The following RBM27 variants were observed in gnomAD, a reference collection of about 807,000 sequenced individuals.
RBM27 encodes the protein RNA binding motif protein 27.
A neutral mutation model predicts 135.3 loss-of-function variants in RBM27; 22 were observed. The observed-to-expected ratio is 0.16, with a 90% CI of 0.12 to 0.23. The LOEUF (loss-of-function observed/expected upper bound fraction) is 0.23. Ranked by LOEUF, RBM27 falls within the 10% of genes least tolerant of loss-of-function variation. The pLI, the probability that RBM27 is intolerant of heterozygous loss-of-function variation, is 1.00. For missense variants in RBM27, 1,009 were observed against 1,281.0 expected, an observed-to-expected ratio of 0.79 and a Z score of 3.24; for synonymous variants, 481 against 442.4, an observed-to-expected ratio of 1.09 and a Z score of -1.10.
intron 5 of RBM27, 51 bp from the exon 6 acceptor site, chr5:146,230,606 A>G (rs1405749755): frequency 1.9e-6 from 3 of 1,562,374 alleles, no homozygotes; most frequent in Admixed American, 1.8e-5. Flanking sequence ...GTTTAAGAAC[A>G]TGAAATATCT....
At chr5:146,281,005 C>T (rs567123698) in intron 19 of RBM27, among the ~76,000 whole-genome samples, 138 of 152,004 alleles carry the variant, frequency 9.1e-4, no homozygotes, top group African/African-American at 3.1e-3. Context: ...TTACAGGCGC[C>T]CACCACCACA....
chr5:146,209,309 A>T (rs966198890), intron 1 of RBM27, among the ~76,000 whole-genome samples: 7 of 152,212 alleles, frequency 4.6e-5, no homozygotes, highest in Non-Finnish European at 1.0e-4. Flanking sequence ...TACAAGACAG[A>T]CTAGAGTCTC....
intron 1 of RBM27, among the ~76,000 whole-genome samples, chr5:146,215,413 C>T (rs985100879): frequency 9.8e-5 from 15 of 152,322 alleles, no homozygotes; most frequent in African/African-American, 3.6e-4. Context: ...CCATTCCTAA[C>T]ATATAGAAAC....
At chr5:146,225,904 C>T (rs1366046581) in intron 3 of RBM27, among the ~76,000 whole-genome samples, 1 of 151,762 alleles carries the variant, frequency 6.6e-6, no homozygotes, top group Non-Finnish European at 1.5e-5. Context: ...ATTCTGTCAC[C>T]CAGGGTGGAG....
At position 146,220,343 on chromosome 5, in the gene RBM27, C is replaced by T. The variant is rs186989166; in HGVS notation, c.178+1240C>T. 1.0e-3 allele frequency among the ~76,000 whole-genome samples: 152 copies of T among 151,848 alleles called. 1 individual carries two copies. Among genetic ancestry groups the T allele is most frequent in the East Asian group, 1.7e-3 (9 of 5,168 alleles). On this transcript the variant is annotated intron_variant, in intron 2 of 20. Transcript: ENST00000265271. ...ATACAAAATTAGCTGGGCGTGGTGGCGTGTGCCTGTAGTCCCAGCTACTCG... is the reference window on the plus strand; with the variant it reads ...ATACAAAATTAGCTGGGCGTGGTGGTGTGTGCCTGTAGTCCCAGCTACTCG...
rs373198253 is a variant in RBM27 at position 146,213,951 on chromosome 5, A to T, written c.60-5034A>T. On this transcript the variant is annotated intron_variant, in intron 1 of 20. Coordinates refer to ENST00000265271, the MANE Select transcript of RBM27 (RefSeq NM_018989.2). ...GTGAATTTTAAGGAGTCCTATTTGT[A>T]AGTTACATTAAGCTTTAGGAAATTT... is the stretch of plus-strand genomic sequence containing the variant. 1.2e-3 allele frequency among the ~76,000 whole-genome samples: 179 copies of T among 152,348 alleles called. 1 individual carries two copies. The highest frequency in any genetic ancestry group is 0.01 in the Middle Eastern group (3 of 294).
chr5:146,238,533 T>C (rs1757265749), intron 8 of RBM27, among the ~76,000 whole-genome samples: 1 of 152,168 alleles, frequency 6.6e-6, no homozygotes, highest in Non-Finnish European at 1.5e-5. Context: ...AAATGATTTT[T>C]CTGGAATCCT....
intron 17 of RBM27, among the ~76,000 whole-genome samples, chr5:146,270,581 G>A (rs1326525441): frequency 1.3e-5 from 2 of 152,124 alleles, no homozygotes; most frequent in Admixed American, 6.6e-5. Flanking sequence ...TTCCAATCTG[G>A]TAGTAATTAT....
At chr5:146,243,309 A>G (rs924735441) in intron 8 of RBM27, among the ~76,000 whole-genome samples, 1 of 152,204 alleles carries the variant, frequency 6.6e-6, no homozygotes, top group Non-Finnish European at 1.5e-5. Context: ...AGTTTTAAAA[A>G]TATTTTTGTC....
intron 16 of RBM27, 28 bp downstream of exon 16, chr5:146,269,309 C>G (rs191650911): frequency 6.5e-7 from 1 of 1,548,254 alleles, no homozygotes; most frequent in Non-Finnish European, 8.8e-7. Context: ...TATTTGCATG[C>G]TAGAATTGAT....
At chr5:146,257,818 T>G (rs1325246160) in intron 10 of RBM27, among the ~76,000 whole-genome samples, 1 of 152,068 alleles carries the variant, frequency 6.6e-6, no homozygotes, top group African/African-American at 2.4e-5. Context: ...TTGTTTTTTT[T>G]TTTTGGTTTC....
At position 146,229,722 on chromosome 5, in the gene RBM27, G is replaced by C; in HGVS notation, c.401G>C (p.Arg134Pro). ...TTTATATCTGTATATTATAGGACAC[G>C]TGAGAAAAAAAGAGAAGACGGGAAA... ...TRSESSERRT[R>P]EKKREDGKWR... The change falls in exon 5 of 21, where the codon CGT becomes CCT. Residue 134 changes from arginine to proline, a missense_variant. Physicochemically the swap from Arg to Pro is moderately radical, Grantham distance 103. Transcript: ENST00000265271. The C allele has an allele frequency of 2.5e-6, 4 of 1,602,416 alleles. No homozygotes were observed. The highest frequency in any genetic ancestry group is 3.4e-6 in the Non-Finnish European group (4 of 1,170,768).
At chr5:146,249,518 C>G (rs910964003) in intron 8 of RBM27, among the ~76,000 whole-genome samples, 16 of 150,926 alleles carry the variant, frequency 1.1e-4, no homozygotes, top group African/African-American at 3.9e-4. Flanking sequence ...AAACCCCGTC[C>G]CTACTAAAAA....
At position 146,229,064 on chromosome 5, in the gene RBM27, A is replaced by G. The variant is rs1756810823; in HGVS notation, c.395+27A>G. 7.0e-6 allele frequency: 11 copies of G among 1,576,518 alleles called. 1 individual carries two copies. Among genetic ancestry groups the G allele is most frequent in the African/African-American group, 6.8e-5 (5 of 74,032 alleles). On this transcript the variant is annotated intron_variant, in intron 4 of 20. Transcript: ENST00000265271. ...TTTGTGTTTATCTTTAATTAGGAAG[A>G]CATTGATAACTCACTTTTTAGTTGC...
intron 8 of RBM27, among the ~76,000 whole-genome samples, chr5:146,241,453 A>AT (rs1757405693): frequency 6.6e-6 from 1 of 152,218 alleles, no homozygotes; most frequent in Non-Finnish European, 1.5e-5. Flanking sequence ...TTTGTAGTAT[A>AT]TGAGTAAAGG....
intron 19 of RBM27, among the ~76,000 whole-genome samples, chr5:146,272,850 A>G (rs1402333797): frequency 6.6e-6 from 1 of 152,196 alleles, no homozygotes; most frequent in Non-Finnish European, 1.5e-5. Flanking sequence ...AGATAGGCCA[A>G]GAAAAGTGTC....
At chr5:146,252,229 T>C (rs185753685) in intron 9 of RBM27, among the ~76,000 whole-genome samples, 2 of 152,336 alleles carry the variant, frequency 1.3e-5, no homozygotes, top group East Asian at 3.9e-4. Flanking sequence ...AATTTTTCTT[T>C]AAAACAAAAC....
intron 7 of RBM27, among the ~76,000 whole-genome samples, chr5:146,236,596 G>A (rs1356343737): frequency 6.6e-6 from 1 of 152,164 alleles, no homozygotes. Flanking sequence ...TATTTTAAAT[G>A]TGAGTATCCA....
At chr5:146,208,501 C>T (rs72824128) in intron 1 of RBM27, among the ~76,000 whole-genome samples, 2 of 151,860 alleles carry the variant, frequency 1.3e-5, no homozygotes, top group South Asian at 4.1e-4. Flanking sequence ...AAACCAATAT[C>T]TCAGTCGAGA....
Sources: allele counts gnomAD v4.1 joint callset (sites outside exome capture counted in the v4.1 genomes callset), GRCh38; gene constraint gnomAD v4.1.1; transcripts MANE v1.5; gene names NCBI Gene and HGNC (gene_info 2026-07-23, HGNC 2026-07-21).